Variants in C10orf105 observed in about 807,000 individuals in gnomAD.
C10orf105 encodes the protein uncharacterized protein C10orf105.
Under a neutral mutation model 0.6 loss-of-function variants are expected in C10orf105, and 2 were observed. The observed-to-expected ratio is 3.18, with a 90% CI of 1.30 to 10.01. C10orf105 has a LOEUF of 10.01. Among genes scored for constraint, C10orf105 ranks in the 30% most tolerant of loss-of-function variants. The probability of loss-of-function intolerance (pLI) is 0.04; values close to 1 mark genes in which losing one functional copy is unlikely to be tolerated. For synonymous variants in C10orf105, 95 were observed against 82.4 expected (o/e 1.15, Z -0.83); for missense variants, 209 against 191.4 (o/e 1.09, Z -0.54).
At chr10:71,730,321 A>G in intron 1 of C10orf105, 13 of 917,294 alleles carry the variant, frequency 1.4e-5, no homozygotes, top group Non-Finnish European at 2.1e-5. Flanking sequence ...GGTCACAGTG[A>G]CCCACCAGAC....
Position 71,714,248 on chromosome 10 carries a change from G to C in C10orf105, c.*1688C>G, listed in dbSNP as rs1229017422. 1.3e-5 allele frequency: 2 copies of C among 152,096 alleles called. No homozygotes were observed. The highest frequency in any genetic ancestry group is 2.9e-5 in the Non-Finnish European group (2 of 68,038). The allele number at this position is 152,096 out of a possible 1,614,324, so 9.4% of individuals were successfully genotyped here. A position where few individuals can be genotyped will look rare whatever the true frequency, so the allele number is the denominator to read the frequency against. On this transcript the variant is annotated 3_prime_UTR_variant, in exon 2 of 2. Coordinates refer to ENST00000441508, the MANE Select transcript of C10orf105 (RefSeq NM_001164375.3). ...CTAGAGTCATCTGAGGGAAGATGAG[G>C]CTCTGTGTTATGCCAGCTTCCACCA...
intron 1 of C10orf105, among the ~76,000 whole-genome samples, chr10:71,733,052 T>C (rs1839442630): frequency 6.6e-6 from 1 of 151,158 alleles, no homozygotes. Flanking sequence ...TCTAGGTTGT[T>C]TGACCCATGC....
At chr10:71,731,423 A>T (rs1839381306) in intron 1 of C10orf105, among the ~76,000 whole-genome samples, 1 of 152,196 alleles carries the variant, frequency 6.6e-6, no homozygotes, top group South Asian at 2.1e-4. Flanking sequence ...AGTTTAGGGC[A>T]CATACGCGGC....
rs1266676223 is a variant in C10orf105 at position 71,732,338 on chromosome 10, C to T, written c.-6+5390G>A. ...TACCGCTTCAACGCCTACACCAGCA[C>T]CCAGGCCAAAGCCCTCTTCAAGATA... On this transcript the variant is annotated intron_variant, in intron 1 of 1. Coordinates refer to the C10orf105 transcript ENST00000398786. 1.9e-6 allele frequency: 3 copies of T among 1,583,722 alleles called. No homozygotes were observed. In the South Asian group the frequency reaches 3.4e-5, roughly 18 times the overall value.
chr10:71,723,482 G>C (rs868789038), upstream of C10orf105, among the ~76,000 whole-genome samples: 1 of 152,162 alleles, frequency 6.6e-6, no homozygotes, highest in African/African-American at 2.4e-5. Context: ...CAGCCAGGCC[G>C]ATCTGAAGCT....
intron 1 of C10orf105, among the ~76,000 whole-genome samples, chr10:71,734,938 G>T (rs983148631): frequency 5.3e-5 from 8 of 152,212 alleles, no homozygotes; most frequent in African/African-American, 1.9e-4. Context: ...ACCACTGAGG[G>T]CTCATCCCAG....
intron 1 of C10orf105, chr10:71,732,443 G>C: frequency 6.5e-7 from 1 of 1,541,224 alleles, no homozygotes; most frequent in Non-Finnish European, 8.8e-7. Context: ...CTCCTTCTGT[G>C]TGCACAGCAC....
chr10:71,734,206 G>A, intron 1 of C10orf105: 1 of 1,545,990 alleles, frequency 6.5e-7, no homozygotes, highest in Non-Finnish European at 8.8e-7. Flanking sequence ...AGGGTGCGAT[G>A]TTGTCACTCA....
chr10:71,731,366 G>C (rs1299713199), intron 1 of C10orf105, among the ~76,000 whole-genome samples: 1 of 152,234 alleles, frequency 6.6e-6, no homozygotes, highest in Middle Eastern at 3.2e-3. Flanking sequence ...GGGGTGGAGG[G>C]AGGAATGGCT....
chr10:71,737,388 T>C (rs1027391657), intron 1 of C10orf105, among the ~76,000 whole-genome samples: 1 of 152,230 alleles, frequency 6.6e-6, no homozygotes, highest in African/African-American at 2.4e-5. Context: ...GTGCAGCTCA[T>C]AAGTGGTTGG....
intron 1 of C10orf105, among the ~76,000 whole-genome samples, chr10:71,727,706 C>T (rs1025114449): frequency 2.0e-5 from 3 of 152,194 alleles, no homozygotes; most frequent in Non-Finnish European, 4.4e-5. Flanking sequence ...CCTCCTCTCC[C>T]TGTCCTCCTA....
chr10:71,716,954 T>G (rs976405569), intron 1 of C10orf105: 1 of 152,254 alleles, frequency 6.6e-6, no homozygotes, highest in Non-Finnish European at 1.5e-5. Context: ...CTCATCCCTG[T>G]GTCTGGGGCT....
At chr10:71,718,321 C>T (rs541414411) in intron 1 of C10orf105, among the ~76,000 whole-genome samples, 10 of 152,354 alleles carry the variant, frequency 6.6e-5, no homozygotes, top group Admixed American at 5.2e-4. Flanking sequence ...CTCCCTGCGC[C>T]CAGCCAACTG....
upstream of C10orf105, among the ~76,000 whole-genome samples, chr10:71,721,959 G>A (rs966971986): frequency 6.6e-6 from 1 of 152,180 alleles, no homozygotes; most frequent in Non-Finnish European, 1.5e-5. Flanking sequence ...TGCTAAGCCA[G>A]GTTTCCTCCA....
rs1211634353 is a variant in C10orf105 at position 71,715,965 on chromosome 10, A to G, written c.373T>C (p.Cys125Arg). ...LPGPEDNRSH[C>R]DYMESTKM The stretch of plus-strand genomic sequence containing the variant: ...ATCTTGGTAGATTCCATGTAGTCAC[A>G]GTGGCTGCGGTTGTCCTCGGGGCCC... Residue 125 changes from cysteine (C) to arginine (R), a missense_variant, in exon 2 of 2, where the codon TGT becomes CGT. Transcript: ENST00000441508. 6 of 1,481,756 alleles carry G rather than the reference A, an allele frequency of 4.0e-6. No individual in the cohort carries two copies. In the East Asian group the frequency reaches 1.2e-4, roughly 31 times the overall value. The allele number at this position is 1,481,756 out of a possible 1,614,324, so 91.8% of individuals were successfully genotyped here.
chr10:71,734,470 G>A (rs1839497874), intron 1 of C10orf105: 1 of 1,502,192 alleles, frequency 6.7e-7, no homozygotes. Context: ...ATAGCCTGAG[G>A]CTTCGCCATG....
Position 71,716,314 on chromosome 10 carries a change from G to A in C10orf105, c.24C>T (p.Leu8=), listed in dbSNP as rs185838726. 1.9e-4 allele frequency: 278 copies of A among 1,501,686 alleles called. 2 individuals carry two copies. The Middle Eastern group carries it at 2.2e-3, about 12-fold the overall frequency. The allele number at this position is 1,501,686 out of a possible 1,614,324, so 93.0% of individuals were successfully genotyped here. A position where few individuals can be genotyped will look rare whatever the true frequency, so the allele number is the denominator to read the frequency against. ...GGGGGCTGATGGCTGGGGAGCTGGC[G>A]AGGCTGGGGCCCTCTGTGCTCATGG... MSTEGPS[L]ASSPAISPLA... is the part of the protein sequence containing the mutation. Residue 8 remains leucine (L), a synonymous_variant, in exon 2 of 2, where the codon CTC becomes CTT. Coordinates refer to ENST00000441508, the MANE Select transcript of C10orf105 (RefSeq NM_001164375.3).
rs768426691 is a variant in C10orf105, at chr10:71,713,254, C to T, written c.*2682G>A. The T allele has an allele frequency of 3.8e-6, 3 of 779,338 alleles. No individual in the cohort carries two copies. The highest frequency in any genetic ancestry group is 1.3e-5 in the South Asian group (1 of 74,556). 48.3% of individuals were successfully genotyped at this position (779,338 alleles called of 1,614,324 possible). ...AGTAAACAGGCACAAGAAGAAAGGG[C>T]TCCTTTGCCCAGGGAGCAGGCGCAA... On this transcript the variant is annotated 3_prime_UTR_variant, in exon 2 of 2. Transcript: ENST00000441508.
chr10:71,720,460 C>G (rs1036594877), upstream of C10orf105, among the ~76,000 whole-genome samples: 2 of 151,162 alleles, frequency 1.3e-5, no homozygotes, highest in Non-Finnish European at 2.9e-5. Flanking sequence ...CTTCCCTCCC[C>G]CAGCCTTCTT....
Sources: allele counts gnomAD v4.1 joint callset (sites outside exome capture counted in the v4.1 genomes callset), GRCh38; gene constraint gnomAD v4.1.1; transcripts MANE v1.5; gene names NCBI Gene and HGNC (gene_info 2026-07-23, HGNC 2026-07-21).